ADGRV1: variants seen among roughly 807,000 people sequenced by gnomAD.
ADGRV1 encodes G-protein coupled receptor 98.
In ADGRV1, 359 loss-of-function variants were observed where a neutral mutation model predicts 596.2. The observed-to-expected ratio is 0.60, with a 90% CI of 0.55 to 0.66. ADGRV1 has a LOEUF of 0.66. Among genes scored for constraint, ADGRV1 ranks in the 30% least tolerant of loss-of-function variants. The pLI is 0.00. For missense variants in ADGRV1, 7,274 were observed against 7,575.6 expected (o/e 0.96, Z 1.48); for synonymous variants, 2,681 against 2,679.2 (o/e 1.00, Z -0.02).
At chr5:90,663,565 C>T (rs1297808408) in intron 21 of ADGRV1, among the ~76,000 whole-genome samples, 1 of 152,012 alleles carries the variant, frequency 6.6e-6, no homozygotes, top group Admixed American at 6.5e-5. Context: ...TGTAGGTTGC[C>T]TGTTCACTCT....
chr5:91,024,007 T>C (rs1381237435), intron 85 of ADGRV1, among the ~76,000 whole-genome samples: 3 of 152,076 alleles, frequency 2.0e-5, no homozygotes, highest in South Asian at 4.1e-4. Flanking sequence ...TTTTTAAAAG[T>C]AGTACTAATT....
intron 42 of ADGRV1, 24 bp from the exon 43 acceptor site, chr5:90,716,443 G>T: frequency 1.3e-6 from 2 of 1,506,234 alleles, no homozygotes; most frequent in Non-Finnish European, 1.8e-6. Flanking sequence ...TTCATTTGTT[G>T]CTTTAATATT....
intron 85 of ADGRV1, among the ~76,000 whole-genome samples, chr5:91,042,355 CTG>C (rs1785433942): frequency 6.6e-6 from 1 of 152,178 alleles, no homozygotes; most frequent in Non-Finnish European, 1.5e-5. Flanking sequence ...ACCAAGTAAA[CTG>C]TTTTATATCA....
At chr5:91,035,483 C>G (rs1388664689) in intron 85 of ADGRV1, among the ~76,000 whole-genome samples, 1 of 151,994 alleles carries the variant, frequency 6.6e-6, no homozygotes, top group Non-Finnish European at 1.5e-5. Flanking sequence ...TTCTGAAATG[C>G]TTTGATATTA....
intron 60 of ADGRV1, among the ~76,000 whole-genome samples, 194 bp downstream of exon 60, chr5:90,774,497 A>G (rs889381994): frequency 2.6e-5 from 4 of 152,198 alleles, no homozygotes; most frequent in Admixed American, 6.5e-5. Flanking sequence ...TGGTAAGGTC[A>G]TAGGTCAAAG....
chr5:91,100,915 T>C (rs1157421479), intron 86 of ADGRV1, among the ~76,000 whole-genome samples: 1 of 152,172 alleles, frequency 6.6e-6, no homozygotes, highest in Non-Finnish European at 1.5e-5. Flanking sequence ...AAAAACTGGC[T>C]GGTAATCATC....
Position 90,728,685 on chromosome 5 carries a change from G to A in ADGRV1, c.10178G>A (p.Gly3393Glu), listed in dbSNP as rs1359533787. 2 of 1,609,910 alleles carry A rather than the reference G, an allele frequency of 1.2e-6. No homozygotes were observed. The highest frequency in any genetic ancestry group is 3.3e-5 in the Admixed American group (2 of 59,774). ...SELTQVFRWN[G>E]GSFVLHQKLP... ...TTCCTTCAGGTCTTCAGGTGGAATGGAGGAAGCTTCGTGTTGCATCAAAAA... is the reference window on the plus strand; with the variant it reads ...TTCCTTCAGGTCTTCAGGTGGAATGAAGGAAGCTTCGTGTTGCATCAAAAA... Residue 3393 changes from glycine to glutamate, a missense_variant, in exon 49 of 90, where the codon GGA becomes GAA. Gly to Glu is a moderately conservative substitution (Grantham distance 98, BLOSUM62 -2). This residue lies in a region of ADGRV1 where 3,643 missense variants were observed against 3,809.2 expected (regional missense o/e 0.96). Transcript: ENST00000405460.
intron 87 of ADGRV1, among the ~76,000 whole-genome samples, chr5:91,134,478 G>A (rs964572415): frequency 7.9e-5 from 12 of 152,178 alleles, no homozygotes; most frequent in African/African-American, 9.7e-5. Context: ...ATAGACGTGA[G>A]CCACTGCGCC....
chr5:90,796,608 A>G (rs1026184918), intron 70 of ADGRV1, among the ~76,000 whole-genome samples: 4 of 152,212 alleles, frequency 2.6e-5, no homozygotes, highest in Admixed American at 6.5e-5. Context: ...ATTCAAATCC[A>G]GGAAATACAG....
At chr5:90,718,792 T>G (rs1580854946) in intron 43 of ADGRV1, among the ~76,000 whole-genome samples, 3 of 151,960 alleles carry the variant, frequency 2.0e-5, no homozygotes. Flanking sequence ...AATTTGTTGT[T>G]TTTTTTTACT....
At chr5:90,992,954 T>G (rs192619668) in intron 85 of ADGRV1, among the ~76,000 whole-genome samples, 15 of 152,266 alleles carry the variant, frequency 9.9e-5, no homozygotes, top group African/African-American at 3.6e-4. Flanking sequence ...CATACTTACA[T>G]AATTATAGCA....
chr5:90,927,963 A>C (rs573762277), intron 83 of ADGRV1, among the ~76,000 whole-genome samples: 4,069 of 151,532 alleles, frequency 0.027, 199 homozygotes, highest in African/African-American at 0.094. Context: ...ATTGGCCCCC[A>C]CTCTCTCCTG....
At chr5:91,002,451 A>T (rs1050673003) in intron 85 of ADGRV1, among the ~76,000 whole-genome samples, 1 of 152,076 alleles carries the variant, frequency 6.6e-6, no homozygotes, top group Non-Finnish European at 1.5e-5. Context: ...TCCAATGCGA[A>T]TGTCAGGTGT....
At chr5:90,815,567 G>C in intron 74 of ADGRV1, 52 bp from the exon 75 acceptor site, 1 of 1,004,754 alleles carries the variant, frequency 1.0e-6, no homozygotes, top group South Asian at 1.4e-5. Context: ...GAGCATGGGA[G>C]GTCTTTTAAA....
At chr5:90,997,637 A>G (rs1161900193) in intron 85 of ADGRV1, among the ~76,000 whole-genome samples, 2 of 152,202 alleles carry the variant, frequency 1.3e-5, no homozygotes, top group African/African-American at 4.8e-5. Flanking sequence ...TCACAAACTC[A>G]TTGTACTAAA....
chr5:90,615,691 GAGA>G (rs1763276264), intron 2 of ADGRV1, among the ~76,000 whole-genome samples: 1 of 151,776 alleles, frequency 6.6e-6, no homozygotes, highest in African/African-American at 2.4e-5. Context: ...ATTATAAAAA[GAGA>G]AGATGAAGAA....
At chr5:91,161,671 T>G (rs1459054070) in intron 89 of ADGRV1, among the ~76,000 whole-genome samples, 6 of 152,198 alleles carry the variant, frequency 3.9e-5, no homozygotes, top group Non-Finnish European at 8.8e-5. Flanking sequence ...GTTAAGCATT[T>G]TGCTTTATGG....
intron 85 of ADGRV1, among the ~76,000 whole-genome samples, chr5:91,017,812 G>A (rs1378773992): frequency 6.6e-6 from 1 of 151,782 alleles, no homozygotes; most frequent in Non-Finnish European, 1.5e-5. Flanking sequence ...GTCTAGTGTG[G>A]GCCCTGGGTG....
chr5:90,941,897 CTAA>C (rs1297416605), intron 83 of ADGRV1, among the ~76,000 whole-genome samples: 2 of 152,158 alleles, frequency 1.3e-5, no homozygotes, highest in African/African-American at 4.8e-5. Context: ...CCTGAATAAT[CTAA>C]TAATCTTATT....
Sources: allele counts gnomAD v4.1 joint callset (sites outside exome capture counted in the v4.1 genomes callset), GRCh38; gene constraint gnomAD v4.1.1; regional missense constraint gnomAD v4.1.1; transcripts MANE v1.5; gene names NCBI Gene and HGNC (gene_info 2026-07-23, HGNC 2026-07-21).